Variants in ZNF324B observed in about 807,000 individuals in gnomAD.
ZNF324B encodes the protein zinc finger protein 324B.
ZNF324B carries 7 observed loss-of-function variants against 10.6 expected under a neutral mutation model. The observed-to-expected ratio is 0.66, with a 90% CI of 0.38 to 1.24. The LOEUF is 1.24. Among genes scored for constraint, ZNF324B ranks in the 50% most tolerant of loss-of-function variants. The probability of loss-of-function intolerance (pLI) is 0.02; values close to 1 mark genes in which losing one functional copy is unlikely to be tolerated. For missense variants in ZNF324B, 640 were observed against 764.7 expected (o/e 0.84, Z 1.92); for synonymous variants, 316 against 321.0 (o/e 0.98, Z 0.17).
At chr19:58,433,507 T>C in the ZNF324B span, 31 of 1,613,992 alleles carry the variant, frequency 1.9e-5, no homozygotes, top group Admixed American at 5.2e-4. Context: ...GTGAACTCTC[T>C]GATGACGAAC....
At chr19:58,434,700 G>A in the ZNF324B span, 1 of 1,614,182 alleles carries the variant, frequency 6.2e-7, no homozygotes, top group African/African-American at 1.3e-5. Context: ...GGAGAGTGGA[G>A]CTCTTCAGGA....
rs2052923029 is a variant in ZNF324B at position 58,456,418 on chromosome 19, G to T, written c.1474G>T (p.Glu492Ter). The stretch of plus-strand genomic sequence containing the variant: ...CACGCAGTGTGGCCGCGCCTTCCGT[G>T]AGCGCCCTGCCCTCTTGCACCACCA... ...VCTQCGRAFR[E>*]RPALLHHQRI... Residue 492 changes from glutamate to a stop codon, truncating the protein, a stop_gained, in exon 4 of 4, where the codon GAG becomes TAG. Transcript: ENST00000336614. LOFTEE classifies it low-confidence loss of function (END_TRUNC). The surrounding 1 kb of genome is among the most constrained non-coding windows in gnomAD (Gnocchi z 4.7). The T allele has an allele frequency of 5.6e-6, 9 of 1,613,466 alleles. No homozygotes were observed. Among genetic ancestry groups the T allele is most frequent in the Non-Finnish European group, 7.6e-6 (9 of 1,180,040 alleles).
At chr19:58,420,939 T>C in the ZNF324B span, among the ~76,000 whole-genome samples, 1 of 150,868 alleles carries the variant, frequency 6.6e-6, no homozygotes, top group African/African-American at 2.4e-5. Flanking sequence ...CTCCTGACCT[T>C]GTGATCTGCC....
the ZNF324B span, among the ~76,000 whole-genome samples, chr19:58,422,970 C>T: frequency 6.8e-6 from 1 of 147,974 alleles, no homozygotes; most frequent in Admixed American, 6.7e-5. Context: ...CCCGGGTTCA[C>T]ACCATTCTTC....
At position 58,453,840 on chromosome 19, in the gene ZNF324B, C is replaced by G. The variant is rs1349965566; in HGVS notation, c.121+18C>G. 1.2e-6 allele frequency: 2 copies of G among 1,608,742 alleles called. No individual in the cohort carries two copies. The highest frequency in any genetic ancestry group is 1.7e-6 in the Non-Finnish European group (2 of 1,176,928). ...CTCACTTGGTAAGGCCCTGGGTGCT[C>G]CATGAAAAGTGCACTTGGTGACAAT... On this transcript the variant is annotated intron_variant, in intron 2 of 3. Transcript: ENST00000336614.
intron 1 of ZNF324B, chr19:58,453,106 T>G (rs1258805713): frequency 6.6e-6 from 1 of 151,316 alleles, no homozygotes; most frequent in Admixed American, 6.6e-5. Context: ...AATAAATAAA[T>G]AAATAAATAA....
chr19:58,437,179 A>T, the ZNF324B span: 2 of 1,611,360 alleles, frequency 1.2e-6, no homozygotes, highest in Non-Finnish European at 1.7e-6. Flanking sequence ...ATGCTCTTCA[A>T]TGTGGGGACA....
At chr19:58,425,403 A>T in the ZNF324B span, among the ~76,000 whole-genome samples, 1 of 150,194 alleles carries the variant, frequency 6.7e-6, no homozygotes, top group Non-Finnish European at 1.5e-5. Flanking sequence ...TTCCTTATAA[A>T]CTATCTAGAC....
chr19:58,427,512 C>CTT, the ZNF324B span, among the ~76,000 whole-genome samples: 87 of 118,434 alleles, frequency 7.3e-4, 4 homozygotes, highest in African/African-American at 3.2e-3. Flanking sequence ...CTTTTTCTTT[C>CTT]TTTCTTTCTT....
At chr19:58,447,783 T>C (rs1177824391), upstream of ZNF324B, among the ~76,000 whole-genome samples, 2 of 152,204 alleles carry the variant, frequency 1.3e-5, no homozygotes, top group Non-Finnish European at 2.9e-5. Flanking sequence ...ATTGTAACTC[T>C]CATAATTCCC....
upstream of ZNF324B, among the ~76,000 whole-genome samples, chr19:58,447,939 C>T (rs2052835218): frequency 6.6e-6 from 1 of 152,184 alleles, no homozygotes; most frequent in Admixed American, 6.5e-5. Context: ...TTTGCTCTTA[C>T]CTGCCACCAT....
intron 1 of ZNF324B, 35 bp downstream of exon 1, chr19:58,451,739 C>T (rs760897686): frequency 2.3e-6 from 1 of 444,338 alleles, no homozygotes; most frequent in Non-Finnish European, 4.4e-6. Flanking sequence ...CGCCCCCAAG[C>T]CTCGGTATCT....
chr19:58,452,001 G>C (rs539046577), intron 1 of ZNF324B: 1 of 240,980 alleles, frequency 4.1e-6, no homozygotes, highest in East Asian at 1.8e-4. Context: ...CCGGGGGGGC[G>C]GGGGAGTCCC....
chr19:58,444,877 T>A, the ZNF324B span: 2 of 152,936 alleles, frequency 1.3e-5, no homozygotes, highest in East Asian at 3.8e-4. Context: ...ACATGGGGAA[T>A]CCTCCAGCCA....
the ZNF324B span, among the ~76,000 whole-genome samples, chr19:58,425,379 C>T: frequency 2.0e-5 from 3 of 151,878 alleles, no homozygotes; most frequent in African/African-American, 4.8e-5. Flanking sequence ...CCATCACGCC[C>T]GACTGAACCT....
rs1473776703 is a variant in ZNF324B at position 58,455,844 on chromosome 19, G to C, written c.900G>C (p.Leu300Phe). 3 of 1,613,578 alleles carry C rather than the reference G, an allele frequency of 1.9e-6. No homozygotes were observed. Among genetic ancestry groups the C allele is most frequent in the African/African-American group, 2.7e-5 (2 of 74,878 alleles). The stretch of plus-strand genomic sequence containing the variant: ...AGGCCTTCAGCCAGACGTCGCACTT[G>C]ACGCAGCACCAGCGCATCCACAGCG... The part of the protein sequence containing the change: ...CGKAFSQTSH[L>F]TQHQRIHSGE... Residue 300 changes from leucine to phenylalanine, a missense_variant, in exon 4 of 4, where the codon TTG becomes TTC. Around this residue, in one of 3 missense-constraint regions of ZNF324B, gnomAD observed 57 missense variants for 118.8 expected, o/e 0.48. Transcript: ENST00000336614. This position sits in a 1 kb window ranked among gnomAD's most constrained non-coding sequence, Gnocchi z 7.0.
At chr19:58,451,839 T>C (rs907984557) in intron 1 of ZNF324B, 135 bp downstream of exon 1, 26 of 279,478 alleles carry the variant, frequency 9.3e-5, no homozygotes, top group Non-Finnish European at 1.3e-4. Context: ...AGGCAGCGCA[T>C]TGGGCATTCT....
At chr19:58,435,186 CT>C in the ZNF324B span, 1 of 1,613,572 alleles carries the variant, frequency 6.2e-7, no homozygotes, top group Non-Finnish European at 8.5e-7. Flanking sequence ...GATGGGCCCC[CT>C]CACCCTCTAC....
At chr19:58,451,773 G>C (rs959044499) in intron 1 of ZNF324B, 69 bp downstream of exon 1, 10 of 335,572 alleles carry the variant, frequency 3.0e-5, no homozygotes, top group Non-Finnish European at 5.7e-5. Flanking sequence ...GGTCGGCCCG[G>C]GGGCGGTCGG....
Sources: allele counts gnomAD v4.1 joint callset (sites outside exome capture counted in the v4.1 genomes callset), GRCh38; gene constraint gnomAD v4.1.1; regional missense constraint gnomAD v4.1.1; non-coding constraint Gnocchi (gnomAD v3.1); transcripts MANE v1.5; gene names NCBI Gene and HGNC (gene_info 2026-07-23, HGNC 2026-07-21).